The following PFKP variants were observed in gnomAD, a reference collection of about 807,000 sequenced individuals.
PFKP encodes the protein ATP-dependent 6-phosphofructokinase, platelet type.
In PFKP, 101 loss-of-function variants were observed where a neutral mutation model predicts 94.3. That is an observed-to-expected ratio of 1.07 (90% CI 0.91 to 1.26). The LOEUF (loss-of-function observed/expected upper bound fraction) is 1.26. PFKP is among the 50% of genes most tolerant of loss of function. PFKP has a pLI of 0.00. For synonymous variants in PFKP, 573 were observed against 432.6 expected (o/e 1.32, Z -4.03); for missense variants, 1,145 against 1,103.3 (o/e 1.04, Z -0.53).
At chr10:3,107,759 C>CTG (rs1564312099) in intron 8 of PFKP, 3 of 981,250 alleles carry the variant, frequency 3.1e-6, no homozygotes. Context: ...TACAAAGCCA[C>CTG]TGTGTCCTCG....
In PFKP at chr10:3,105,179, C is replaced by G. The variant is rs753548148; in HGVS notation, c.665+20C>G. The G allele has an allele frequency of 6.8e-5, 110 of 1,610,462 alleles. 5 individuals carry two copies. In the South Asian group the frequency reaches 9.3e-4, roughly 14 times the overall value. ...CTGTGGGTACGTACCTGCGGTGGGT[C>G]CGGTGGACGCGGTTCAGGTGGGGGA... On this transcript the variant is annotated intron_variant, in intron 6 of 21. Transcript: ENST00000381125.
chr10:3,103,823 G>A lies in PFKP; in HGVS notation c.499G>A (p.Val167Met). The A allele has an allele frequency of 5.6e-6, 9 of 1,614,038 alleles. No homozygotes were observed. The highest frequency in any genetic ancestry group is 1.6e-4 in the Middle Eastern group (1 of 6,062). The change falls in exon 5 of 22, where the codon GTG becomes ATG. Residue 167 changes from valine (V) to methionine (M), a missense_variant. Val to Met is a conservative substitution (Grantham distance 21). Around this residue, in one of 3 missense-constraint regions of PFKP, gnomAD observed 1,119 missense variants for 1,062.8 expected, o/e 1.05. Coordinates refer to ENST00000381125, the MANE Select transcript of PFKP (RefSeq NM_002627.5). ...EAVQKYAYLN[V>M]VGMVGSIDND... ...CGTGCAGAAGTACGCCTACCTCAAC[G>A]TGGTGGGCATGGTGGGCTCCATCGA...
chr10:3,103,953 C>G lies in PFKP; in HGVS notation c.620+9C>G. The G allele has an allele frequency of 6.2e-7, 1 of 1,612,570 alleles. No individual in the cohort carries two copies. Among genetic ancestry groups the G allele is most frequent in the Non-Finnish European group, 8.5e-7 (1 of 1,179,594 alleles). On this transcript the variant is annotated intron_variant, in intron 5 of 21. Transcript: ENST00000381125. ...ATGACCACGGCCCAGAGGTAAAGCG[C>G]TCAGAGGAACCGGCGGGAGGCCAGT...
At chr10:3,086,462 C>T (rs544280907) in intron 2 of PFKP, among the ~76,000 whole-genome samples, 13 of 152,332 alleles carry the variant, frequency 8.5e-5, no homozygotes, top group Middle Eastern at 6.8e-3. Context: ...TGATTTACCC[C>T]CTTAGGACGT....
At position 3,108,681 on chromosome 10, in the gene PFKP, A is replaced by G. The variant is rs772531121; in HGVS notation, c.871-20A>G. The stretch of plus-strand genomic sequence containing the variant: ...TGTCCGCATCACAGTTCCGCATCCT[A>G]ACGAGATGTTTCCTTGCAGCTTGTC... On this transcript the variant is annotated intron_variant, in intron 8 of 21. Transcript: ENST00000381125. The G allele has an allele frequency of 2.4e-5, 38 of 1,598,140 alleles. No individual in the cohort carries two copies. The South Asian group carries it at 3.5e-4, about 15-fold the overall frequency.
At chr10:3,121,654 C>T (rs895604148) in intron 16 of PFKP, among the ~76,000 whole-genome samples, 1 of 145,920 alleles carries the variant, frequency 6.9e-6, no homozygotes, top group African/African-American at 2.5e-5. Context: ...AACCAAAATA[C>T]GTGGGGCAAA....
chr10:3,118,939 C>T (rs3829914), intron 15 of PFKP, 70 bp downstream of exon 15: 822,557 of 1,181,774 alleles, frequency 0.7, 288,788 homozygotes, highest in East Asian at 0.85. Flanking sequence ...AAACATTAAG[C>T]TACTTGTTGG....
At chr10:3,104,812 G>A (rs552167286) in intron 5 of PFKP, 18 of 470,348 alleles carry the variant, frequency 3.8e-5, no homozygotes, top group African/African-American at 1.8e-4. Context: ...AGCCCAGCAC[G>A]GGGCCGGGGA....
At chr10:3,119,061 G>A (rs9423464) in intron 15 of PFKP, among the ~76,000 whole-genome samples, 192 bp downstream of exon 15, 17,641 of 152,088 alleles carry the variant, frequency 0.12, 1,069 homozygotes, top group Admixed American at 0.14. Flanking sequence ...CCCAGTTCCA[G>A]TAAAGCAACT....
chr10:3,112,359 T>C lies in PFKP; in HGVS notation c.1154+73T>C, dbSNP rs1836330749. 9 of 1,111,194 alleles carry C rather than the reference T, an allele frequency of 8.1e-6. No individual in the cohort carries two copies. The South Asian group carries it at 1.1e-4, about 14-fold the overall frequency. The allele number at this position is 1,111,194 out of a possible 1,614,324, so 68.8% of individuals were successfully genotyped here. A position where few individuals can be genotyped will look rare whatever the true frequency, so the allele number is the denominator to read the frequency against. On this transcript the variant is annotated intron_variant, in intron 11 of 21. Coordinates refer to ENST00000381125, the MANE Select transcript of PFKP (RefSeq NM_002627.5). ...TCAGGCCCAGCCACTGCAAACGTGCTTAGGGGTTGTGCTTATTCCATGTCA... is the reference window on the plus strand; with the variant it reads ...TCAGGCCCAGCCACTGCAAACGTGCCTAGGGGTTGTGCTTATTCCATGTCA...
At chr10:3,113,748 G>A (rs941304404) in intron 13 of PFKP, among the ~76,000 whole-genome samples, 5 of 152,158 alleles carry the variant, frequency 3.3e-5, no homozygotes, top group African/African-American at 1.2e-4. Context: ...TTCTGAAAAG[G>A]TGCTGGGGGA....
intron 3 of PFKP, among the ~76,000 whole-genome samples, chr10:3,100,269 G>A (rs1195159500): frequency 6.6e-6 from 1 of 151,994 alleles, no homozygotes; most frequent in Non-Finnish European, 1.5e-5. Context: ...AGTCCAGAGA[G>A]CACCCCTGCC....
chr10:3,070,923 A>G (rs1055609684), intron 1 of PFKP, among the ~76,000 whole-genome samples: 1 of 150,518 alleles, frequency 6.6e-6, no homozygotes, highest in Non-Finnish European at 1.5e-5. Flanking sequence ...TATTATTATT[A>G]TTTTTGTAGA....
In PFKP at chr10:3,119,987, T is replaced by C; in HGVS notation, c.1626T>C (p.Asn542=). The C allele has an allele frequency of 1.2e-6, 2 of 1,614,138 alleles. No individual in the cohort carries two copies. The highest frequency in any genetic ancestry group is 1.7e-6 in the Non-Finnish European group (2 of 1,179,992). ...MVMVPATVSN[N]VPGSDFSIGA... is the part of the protein sequence containing the mutation. ...TGGTTCCCGCTACTGTGTCCAACAA[T>C]GTGCCGGGTTCCGATTTCAGCATCG... Residue 542 remains asparagine (N), a synonymous_variant, in exon 16 of 22, where the codon AAT becomes AAC. Coordinates refer to ENST00000381125, the MANE Select transcript of PFKP (RefSeq NM_002627.5).
At chr10:3,068,728 T>C (rs1831935336) in intron 1 of PFKP, 3 of 983,064 alleles carry the variant, frequency 3.1e-6, no homozygotes, top group Middle Eastern at 5.2e-4. Flanking sequence ...TCCCGATCCG[T>C]GCAATCCCTG....
chr10:3,130,253 G>A (rs1838423754), intron 17 of PFKP, among the ~76,000 whole-genome samples: 1 of 152,192 alleles, frequency 6.6e-6, no homozygotes, highest in Non-Finnish European at 1.5e-5. Context: ...AGTTAATGTT[G>A]TCTCACTTAT....
chr10:3,121,356 C>A (rs978131021), intron 16 of PFKP, among the ~76,000 whole-genome samples: 2 of 152,226 alleles, frequency 1.3e-5, no homozygotes, highest in Non-Finnish European at 2.9e-5. Flanking sequence ...GAGCCTCTTT[C>A]ACAGACTGGA....
chr10:3,091,108 G>C (rs928960642), intron 2 of PFKP, among the ~76,000 whole-genome samples: 4 of 152,144 alleles, frequency 2.6e-5, no homozygotes, highest in African/African-American at 4.8e-5. Flanking sequence ...CCAAGCCTAC[G>C]TGTGAAGCAT....
chr10:3,067,652 C>G lies in PFKP; in HGVS notation c.57C>G (p.His19Gln), dbSNP rs565920130. ...PKGSLRKFLE[H>Q]LSGAGKAIGV... ...GCTCCTTGCGGAAGTTCCTGGAGCACCTCTCCGGGGCCGGCAAGGCCATCG... is the reference window on the plus strand; with the variant it reads ...GCTCCTTGCGGAAGTTCCTGGAGCAGCTCTCCGGGGCCGGCAAGGCCATCG... Residue 19 changes from histidine to glutamine, a missense_variant, in exon 1 of 22, where the codon CAC (histidine) becomes CAG (glutamine). His to Gln is a conservative substitution (Grantham distance 24). Around this residue, in one of 3 missense-constraint regions of PFKP, gnomAD observed 1,119 missense variants for 1,062.8 expected, o/e 1.05. Coordinates refer to ENST00000381125, the MANE Select transcript of PFKP (RefSeq NM_002627.5). 1.4e-5 allele frequency: 21 copies of G among 1,535,236 alleles called. No homozygotes were observed. Among genetic ancestry groups the G allele is most frequent in the Non-Finnish European group, 1.7e-5 (19 of 1,140,584 alleles).
Sources: allele counts gnomAD v4.1 joint callset (sites outside exome capture counted in the v4.1 genomes callset), GRCh38; gene constraint gnomAD v4.1.1; regional missense constraint gnomAD v4.1.1; transcripts MANE v1.5; gene names NCBI Gene and HGNC (gene_info 2026-07-23, HGNC 2026-07-21).